The following LSAMP variants were observed in gnomAD, a reference collection of about 807,000 sequenced individuals.
LSAMP encodes the protein limbic system-associated membrane protein.
LSAMP carries 7 observed loss-of-function variants against 38.6 expected under a neutral mutation model. The ratio of observed to expected loss-of-function variants is 0.18; its 90% confidence interval spans 0.10 to 0.34. The LOEUF is 0.34. Ranked by LOEUF, LSAMP falls within the 10% of genes least tolerant of loss-of-function variation. The probability of loss-of-function intolerance (pLI) is 1.00; values close to 1 mark genes in which losing one functional copy is unlikely to be tolerated. For synonymous variants in LSAMP, 154 were observed against 166.8 expected (o/e 0.92, Z 0.59); for missense variants, 313 against 420.0 (o/e 0.75, Z 2.23).
chr3:116,037,595 A>C (rs1941074797), intron 2 of LSAMP, among the ~76,000 whole-genome samples: 1 of 152,160 alleles, frequency 6.6e-6, no homozygotes, highest in Admixed American at 6.6e-5. Context: ...CATTTAGGGA[A>C]AGTATATTGG....
intron 1 of LSAMP, among the ~76,000 whole-genome samples, chr3:116,206,953 T>A (rs2046078099): frequency 6.6e-6 from 1 of 150,378 alleles, no homozygotes; most frequent in African/African-American, 2.5e-5. Flanking sequence ...AATTCCTGGG[T>A]ATCCTTGTTG....
chr3:116,432,818 G>A lies in LSAMP; in HGVS notation c.155+12059C>T, dbSNP rs73859214. On this transcript the variant is annotated intron_variant, in intron 1 of 6. Coordinates refer to ENST00000490035, the MANE Select transcript of LSAMP (RefSeq NM_002338.5). ...TTATCCAATCAAGTAATATCTTGTA[G>A]TCTTTAAGCAGTTGATTGTTGTGGT... Among the ~76,000 whole-genome samples, 266 of 152,158 alleles carry A rather than the reference G, an allele frequency of 1.7e-3. 1 individual carries two copies. Among genetic ancestry groups the A allele is most frequent in the African/African-American group, 6.1e-3 (252 of 41,530 alleles).
intron 3 of LSAMP, among the ~76,000 whole-genome samples, chr3:115,917,379 C>G (rs1308075036): frequency 6.6e-6 from 1 of 152,162 alleles, no homozygotes; most frequent in Non-Finnish European, 1.5e-5. Context: ...GTCCAGAGAT[C>G]ATAGAACTTC....
intron 1 of LSAMP, among the ~76,000 whole-genome samples, chr3:116,210,402 G>T (rs141792946): frequency 1.3e-5 from 2 of 152,204 alleles, no homozygotes; most frequent in African/African-American, 2.4e-5. Context: ...CAGGCTTGCT[G>T]CGTCTTCCGG....
intron 2 of LSAMP, among the ~76,000 whole-genome samples, chr3:116,076,372 C>T (rs1707743374): frequency 6.6e-6 from 1 of 152,122 alleles, no homozygotes; most frequent in Non-Finnish European, 1.5e-5. Context: ...ATTCTCCTGC[C>T]TCAGCCTCCC....
chr3:116,128,403 CTTAGAAG>C lies in LSAMP; in HGVS notation c.156-41854_156-41848del, dbSNP rs953384165. On this transcript the variant is annotated intron_variant, in intron 1 of 6. Transcript: ENST00000490035. ...TACTTTTCCCTGACTAAATGATGTT[CTTAGAAG>C]TTGGTAGAACAATTTCTCCCTTTTA... Among the ~76,000 whole-genome samples the C allele has an allele frequency of 2.5e-4, 38 of 152,292 alleles. No individual in the cohort carries two copies. In the South Asian group the frequency reaches 4.3e-3, roughly 17 times the overall value.
At chr3:116,416,770 G>T (rs2049056693) in intron 1 of LSAMP, among the ~76,000 whole-genome samples, 1 of 151,902 alleles carries the variant, frequency 6.6e-6, no homozygotes. Context: ...TGAGTTAAAG[G>T]CACGTGCAGC....
At chr3:115,961,970 C>A (rs190790403) in intron 3 of LSAMP, among the ~76,000 whole-genome samples, 1 of 152,202 alleles carries the variant, frequency 6.6e-6, no homozygotes, top group Non-Finnish European at 1.5e-5. Context: ...GGTCCTGGAA[C>A]TACCTGTTGT....
At chr3:116,049,343 G>C (rs1941349663) in intron 2 of LSAMP, among the ~76,000 whole-genome samples, 1 of 152,176 alleles carries the variant, frequency 6.6e-6, no homozygotes. Flanking sequence ...TTCATCTTCA[G>C]TAGTCTCTAC....
intron 1 of LSAMP, among the ~76,000 whole-genome samples, chr3:116,328,629 G>A (rs939555764): frequency 1.1e-4 from 17 of 152,124 alleles, no homozygotes; most frequent in Non-Finnish European, 2.2e-4. Flanking sequence ...GTGGTTAGAC[G>A]CTAATGAGAA....
chr3:116,141,010 G>T (rs991403445), intron 1 of LSAMP, among the ~76,000 whole-genome samples: 1 of 151,862 alleles, frequency 6.6e-6, no homozygotes, highest in Non-Finnish European at 1.5e-5. Context: ...ATACCCACCA[G>T]AGCTAGCTTA....
chr3:116,222,772 T>G (rs1157141090), intron 1 of LSAMP, among the ~76,000 whole-genome samples: 1 of 126,248 alleles, frequency 7.9e-6, no homozygotes, highest in Non-Finnish European at 1.6e-5. Flanking sequence ...GGAGTCTCTG[T>G]TCGCCCAGGC....
chr3:116,271,481 A>C lies in LSAMP; in HGVS notation c.155+173396T>G, dbSNP rs186283725. 1.5e-4 allele frequency among the ~76,000 whole-genome samples: 23 copies of C among 152,248 alleles called. 1 individual carries two copies. Among genetic ancestry groups the C allele is most frequent in the African/African-American group, 4.3e-4 (18 of 41,570 alleles). ...TCTTCCTTAAGATTGCTAGAACTTGATATAATACTCCCAGGTTCTATCACT... is the reference window on the plus strand; with the variant it reads ...TCTTCCTTAAGATTGCTAGAACTTGCTATAATACTCCCAGGTTCTATCACT... On this transcript the variant is annotated intron_variant, in intron 1 of 6. Transcript: ENST00000490035.
At chr3:116,252,412 T>G (rs566394111) in intron 1 of LSAMP, among the ~76,000 whole-genome samples, 1 of 152,228 alleles carries the variant, frequency 6.6e-6, no homozygotes, top group Non-Finnish European at 1.5e-5. Context: ...CCAGTCATAA[T>G]AGAATTGGCT....
At position 116,368,593 on chromosome 3, in the gene LSAMP, C is replaced by T. The variant is rs112276098; in HGVS notation, c.155+76284G>A. Among the ~76,000 whole-genome samples, 659 of 152,236 alleles carry T rather than the reference C, an allele frequency of 4.3e-3. 6 individuals carry two copies. The highest frequency in any genetic ancestry group is 0.015 in the African/African-American group (621 of 41,542). On this transcript the variant is annotated intron_variant, in intron 1 of 6. Coordinates refer to ENST00000490035, the MANE Select transcript of LSAMP (RefSeq NM_002338.5). ...GAGAAGCCTTGCTCTGAATCTACTT[C>T]GTAAGCTTCCTCTTAAAAATGACTG...
intron 2 of LSAMP, among the ~76,000 whole-genome samples, chr3:116,050,766 A>G (rs929484185): frequency 6.6e-6 from 1 of 152,228 alleles, no homozygotes; most frequent in Non-Finnish European, 1.5e-5. Flanking sequence ...TTACTTCTAA[A>G]GGACTTCTTT....
intron 1 of LSAMP, among the ~76,000 whole-genome samples, chr3:116,182,111 GT>G (rs1710498002): frequency 6.6e-6 from 1 of 151,856 alleles, no homozygotes; most frequent in South Asian, 2.1e-4. Flanking sequence ...TGTTTGAAAA[GT>G]TCTTTTAAAT....
intron 1 of LSAMP, among the ~76,000 whole-genome samples, chr3:116,216,616 G>C (rs2046223628): frequency 6.6e-6 from 1 of 151,324 alleles, no homozygotes; most frequent in South Asian, 2.1e-4. Context: ...GGAAGTGGGA[G>C]ACACAAAAAA....
rs1360526405 is a variant in LSAMP, at chr3:115,852,562, C to A, written c.570G>T (p.Glu190Asp). Residue 190 changes from glutamate to aspartate, a missense_variant, in exon 4 of 7, where the codon GAG becomes GAT. Glu to Asp is a conservative substitution (Grantham distance 45). Coordinates refer to ENST00000490035, the MANE Select transcript of LSAMP (RefSeq NM_002338.5). Reference sequence around the variant, plus strand: ...CTTTGCACTCATATTTGCCTGACTGCTCCCTGGTGATGCCAAGGATCTCCA... The same window carrying A: ...CTTTGCACTCATATTTGCCTGACTGATCCCTGGTGATGCCAAGGATCTCCA... ...EYLEILGITR[E>D]QSGKYECKAA... The A allele has an allele frequency of 6.2e-7, 1 of 1,614,018 alleles. No homozygotes were observed.
Sources: allele counts gnomAD v4.1 joint callset (sites outside exome capture counted in the v4.1 genomes callset), GRCh38; gene constraint gnomAD v4.1.1; transcripts MANE v1.5; gene names NCBI Gene and HGNC (gene_info 2026-07-23, HGNC 2026-07-21).